Variants in PTGIS observed in about 807,000 individuals in gnomAD.
PTGIS encodes prostacyclin synthase.
PTGIS carries 45 observed loss-of-function variants against 50.3 expected under a neutral mutation model. The ratio of observed to expected loss-of-function variants is 0.90; its 90% CI spans 0.70 to 1.15. PTGIS has a LOEUF of 1.15. Ranked by LOEUF, PTGIS falls within the 50% of genes most tolerant of loss-of-function variation. The pLI is 0.00. For synonymous variants in PTGIS, 260 were observed against 267.7 expected, an observed-to-expected ratio of 0.97 and a Z score of 0.28; for missense variants, 668 against 661.3, an observed-to-expected ratio of 1.01 and a Z score of -0.11.
chr20:49,567,601 G>C (rs1384450604), intron 1 of PTGIS, among the ~76,000 whole-genome samples: 2 of 152,210 alleles, frequency 1.3e-5, no homozygotes, highest in East Asian at 3.9e-4. Flanking sequence ...AGCAAGGCAG[G>C]GTTTGACAGC....
intron 2 of PTGIS, 51 bp downstream of exon 2, chr20:49,550,015 T>G: frequency 1.2e-6 from 2 of 1,613,742 alleles, no homozygotes; most frequent in South Asian, 1.1e-5. Context: ...AAACCAGATA[T>G]GAGGCCCAGC....
chr20:49,566,165 G>A (rs1388559573), intron 1 of PTGIS, among the ~76,000 whole-genome samples: 3 of 152,118 alleles, frequency 2.0e-5, no homozygotes, highest in Admixed American at 2.0e-4. Flanking sequence ...AGGAGGCAGA[G>A]GTTGCGGTGA....
intron 9 of PTGIS, among the ~76,000 whole-genome samples, chr20:49,509,592 T>C (rs1981253834): frequency 6.6e-6 from 1 of 152,164 alleles, no homozygotes; most frequent in South Asian, 2.1e-4. Context: ...CAATTTCACT[T>C]GTGAGAAACA....
chr20:49,559,555 G>A (rs1049617246), intron 1 of PTGIS, among the ~76,000 whole-genome samples: 7 of 152,160 alleles, frequency 4.6e-5, no homozygotes, highest in African/African-American at 1.7e-4. Context: ...TCAAGTGTTC[G>A]TTGAGTGACG....
intron 3 of PTGIS, among the ~76,000 whole-genome samples, chr20:49,545,967 A>C (rs544616557): frequency 1.4e-4 from 22 of 152,266 alleles, no homozygotes; most frequent in African/African-American, 5.3e-4. Flanking sequence ...CCTGGGTATG[A>C]AAAGGTTTGG....
Position 49,514,515 on chromosome 20 carries a change from A to G in PTGIS, c.856-120T>C. ...AGGCCTGGGTTCCCACTGCTGCCAA[A>G]CACCCAGGCATGACCAGTGTCTATC... On this transcript the variant is annotated intron_variant, in intron 6 of 9. Transcript: ENST00000244043. 1.2e-5 allele frequency: 14 copies of G among 1,200,224 alleles called. No homozygotes were observed. The South Asian group carries it at 1.8e-4, about 16-fold the overall frequency. 74.3% of individuals were successfully genotyped at this position (1,200,224 alleles called of 1,614,324 possible).
intron 1 of PTGIS, among the ~76,000 whole-genome samples, chr20:49,560,507 A>G (rs1982742933): frequency 6.6e-6 from 1 of 152,198 alleles, no homozygotes; most frequent in Admixed American, 6.5e-5. Flanking sequence ...CCAGCCCAAA[A>G]GGGTGAACTA....
chr20:49,517,621 G>A (rs1437579567), intron 6 of PTGIS, among the ~76,000 whole-genome samples: 1 of 152,216 alleles, frequency 6.6e-6, no homozygotes, highest in East Asian at 1.9e-4. Flanking sequence ...TGACCCAAAA[G>A]CAGTGCCACC....
chr20:49,549,830 T>C (rs778391065), intron 2 of PTGIS, among the ~76,000 whole-genome samples: 19 of 152,084 alleles, frequency 1.2e-4, no homozygotes, highest in Non-Finnish European at 1.8e-4. Context: ...ATTGAGTGAC[T>C]GCATAACTCC....
At chr20:49,515,133 C>T (rs891481974) in intron 6 of PTGIS, among the ~76,000 whole-genome samples, 11 of 152,164 alleles carry the variant, frequency 7.2e-5, no homozygotes, top group African/African-American at 2.4e-4. Context: ...GATTTGCTTC[C>T]AAATATAATC....
At position 49,517,238 on chromosome 20, in the gene PTGIS, C is replaced by T. The variant is rs191348150; in HGVS notation, c.856-2843G>A. Among the ~76,000 whole-genome samples the T allele has an allele frequency of 5.1e-3, 771 of 152,332 alleles. 7 individuals are homozygous for T. The highest frequency in any genetic ancestry group is 0.017 in the African/African-American group (692 of 41,560). The stretch of plus-strand genomic sequence containing the variant: ...GCTGTCCATCACTTAAATAGCCAGG[C>T]AAATGCGGATGATAAATAATTCAAC... On this transcript the variant is annotated intron_variant, in intron 6 of 9. Coordinates refer to ENST00000244043, the MANE Select transcript of PTGIS (RefSeq NM_000961.4).
At chr20:49,528,335 G>A (rs553368952) in intron 5 of PTGIS, among the ~76,000 whole-genome samples, 2 of 152,214 alleles carry the variant, frequency 1.3e-5, no homozygotes, top group Admixed American at 6.5e-5. Flanking sequence ...CAGTGGGCTG[G>A]GTGCAGTGGC....
Position 49,547,605 on chromosome 20 carries a change from CCAAA to C in PTGIS, c.377+232_377+235del, listed in dbSNP as rs113839455. ...CCTCCTACTAAAATCAGGGCTGCCT[CCAAA>C]CAAACAAACAAACAAACAAACAAAC... On this transcript the variant is annotated intron_variant, in intron 3 of 9. Coordinates refer to ENST00000244043, the MANE Select transcript of PTGIS (RefSeq NM_000961.4). Among the ~76,000 whole-genome samples, 510 of 144,598 alleles carry C rather than the reference CCAAA, an allele frequency of 3.5e-3. 2 individuals are homozygous for C. The highest frequency in any genetic ancestry group is 7.0e-3 in the Middle Eastern group (2 of 286). 94.9% of individuals were successfully genotyped at this position (144,598 alleles called of 152,430 possible).
intron 1 of PTGIS, among the ~76,000 whole-genome samples, chr20:49,557,692 A>G (rs1014083691): frequency 2.6e-5 from 4 of 152,224 alleles, no homozygotes; most frequent in African/African-American, 9.6e-5. Flanking sequence ...TGAGTCATGC[A>G]AGAAGCTGCC....
chr20:49,529,465 T>A (rs1303337598), intron 5 of PTGIS, among the ~76,000 whole-genome samples: 2 of 152,230 alleles, frequency 1.3e-5, no homozygotes, highest in African/African-American at 4.8e-5. Flanking sequence ...TGAATAACAT[T>A]CTTTCGTGGA....
intron 5 of PTGIS, among the ~76,000 whole-genome samples, chr20:49,533,972 C>CATATATAT (rs372596578): frequency 5.4e-5 from 8 of 149,476 alleles, no homozygotes; most frequent in African/African-American, 2.0e-4. Context: ...AAAGCAAAAA[C>CATATATAT]ATATATATAT....
intron 4 of PTGIS, 126 bp downstream of exon 4, chr20:49,544,179 G>T: frequency 7.7e-7 from 1 of 1,298,012 alleles, no homozygotes. Context: ...TACAGTCTTT[G>T]CTTTGGGTGT....
At chr20:49,547,706 T>C in intron 3 of PTGIS, 135 bp downstream of exon 3, 4 of 1,035,940 alleles carry the variant, frequency 3.9e-6, no homozygotes, top group Non-Finnish European at 4.5e-6. Context: ...TTTTTTGTTT[T>C]GTTTCTGTTT....
chr20:49,510,962 A>C (rs199562769), intron 9 of PTGIS, 66 bp downstream of exon 9: 14 of 1,502,696 alleles, frequency 9.3e-6, no homozygotes, highest in Middle Eastern at 4.7e-4. Flanking sequence ...CAGTCCCAGG[A>C]GAGAAGGGCG....
Sources: allele counts gnomAD v4.1 joint callset (sites outside exome capture counted in the v4.1 genomes callset), GRCh38; gene constraint gnomAD v4.1.1; transcripts MANE v1.5; gene names NCBI Gene and HGNC (gene_info 2026-07-23, HGNC 2026-07-21).